VWA8: variants seen among roughly 807,000 people sequenced by gnomAD.
The protein encoded by VWA8 is von Willebrand factor A domain-containing protein 8.
A neutral mutation model predicts 241.5 loss-of-function variants in VWA8; 221 were observed. The ratio of observed to expected loss-of-function variants is 0.91; its 90% CI spans 0.82 to 1.02. The LOEUF (loss-of-function observed/expected upper bound fraction) is 1.02. VWA8 is among the 50% of genes least tolerant of loss of function. The pLI, the probability that VWA8 is intolerant of heterozygous loss-of-function variation, is 0.00. For synonymous variants in VWA8, 852 were observed against 827.1 expected, an observed-to-expected ratio of 1.03 and a Z score of -0.52; for missense variants, 2,322 against 2,328.7, an observed-to-expected ratio of 1.00 and a Z score of 0.06.
At chr13:41,623,438 G>A (rs2044670050) in intron 37 of VWA8, among the ~76,000 whole-genome samples, 1 of 152,166 alleles carries the variant, frequency 6.6e-6, no homozygotes, top group Non-Finnish European at 1.5e-5. Flanking sequence ...GCTACTTGGA[G>A]TCAACTGCAT....
intron 21 of VWA8, among the ~76,000 whole-genome samples, chr13:41,742,866 T>C (rs2045578793): frequency 6.6e-6 from 1 of 152,328 alleles, no homozygotes; most frequent in African/African-American, 2.4e-5. Flanking sequence ...AGAAAGGCTC[T>C]TTTGCACCCC....
intron 26 of VWA8, among the ~76,000 whole-genome samples, chr13:41,716,770 T>C (rs1452285232): frequency 1.3e-5 from 2 of 152,108 alleles, no homozygotes; most frequent in African/African-American, 4.8e-5. Context: ...AAGATACTAA[T>C]AGTATTAAAC....
intron 26 of VWA8, among the ~76,000 whole-genome samples, chr13:41,714,760 G>A (rs1053471701): frequency 1.3e-5 from 2 of 151,870 alleles, no homozygotes; most frequent in East Asian, 3.8e-4. Context: ...TCTGCTTCGT[G>A]GTTACTCTTC....
chr13:41,833,175 G>A (rs1871545465), intron 13 of VWA8, among the ~76,000 whole-genome samples, 196 bp downstream of exon 13: 2 of 151,876 alleles, frequency 1.3e-5, no homozygotes, highest in Non-Finnish European at 2.9e-5. Flanking sequence ...TTCCCAAAAT[G>A]TTCATTATTT....
intron 24 of VWA8, among the ~76,000 whole-genome samples, chr13:41,726,764 G>A (rs548912399): frequency 1.3e-5 from 2 of 152,108 alleles, no homozygotes; most frequent in African/African-American, 4.8e-5. Context: ...GGAAGCCGAG[G>A]CAGGTGGATC....
intron 21 of VWA8, among the ~76,000 whole-genome samples, chr13:41,748,456 A>AT (rs1293690338): frequency 1.3e-5 from 2 of 152,008 alleles, no homozygotes; most frequent in Admixed American, 6.6e-5. Context: ...CCCCTTTATC[A>AT]TTTTTTATTG....
intron 9 of VWA8, among the ~76,000 whole-genome samples, chr13:41,877,615 AG>A (rs1873959982): frequency 2.6e-5 from 4 of 152,112 alleles, no homozygotes; most frequent in Admixed American, 2.6e-4. Context: ...CAAGTTTCTT[AG>A]AAAAAAACTA....
At chr13:41,583,420 G>A (rs951896896) in intron 42 of VWA8, among the ~76,000 whole-genome samples, 5 of 152,126 alleles carry the variant, frequency 3.3e-5, no homozygotes, top group Admixed American at 6.5e-5. Flanking sequence ...AAAGCGGGCA[G>A]AACATGAGGT....
At chr13:41,680,107 T>C (rs2045088558) in intron 35 of VWA8, among the ~76,000 whole-genome samples, 1 of 152,118 alleles carries the variant, frequency 6.6e-6, no homozygotes, top group Non-Finnish European at 1.5e-5. Context: ...TTATTATAAT[T>C]ATCTAAATGC....
chr13:41,595,944 G>A (rs1328469), intron 40 of VWA8, among the ~76,000 whole-genome samples: 85,846 of 151,908 alleles, frequency 0.57, 24,597 homozygotes, highest in South Asian at 0.74. Flanking sequence ...TCCTGTGAGC[G>A]GAGTATAAGG....
chr13:41,606,385 G>A (rs1448079858), intron 39 of VWA8, among the ~76,000 whole-genome samples: 1 of 152,092 alleles, frequency 6.6e-6, no homozygotes, highest in Admixed American at 6.6e-5. Context: ...AGTTCAGAGT[G>A]AACTCCCTTG....
intron 13 of VWA8, among the ~76,000 whole-genome samples, chr13:41,832,323 C>T (rs1871507741): frequency 1.3e-5 from 2 of 152,118 alleles, no homozygotes; most frequent in Admixed American, 6.5e-5. Flanking sequence ...AGTAGGTACT[C>T]AATTAATGGT....
chr13:41,699,614 A>G (rs2045236955), intron 28 of VWA8, among the ~76,000 whole-genome samples: 1 of 152,202 alleles, frequency 6.6e-6, no homozygotes, highest in Admixed American at 6.5e-5. Context: ...GCTACAGTGA[A>G]GGTCTGTTCT....
chr13:41,951,245 C>T (rs1402997951), intron 1 of VWA8, among the ~76,000 whole-genome samples: 1 of 151,820 alleles, frequency 6.6e-6, no homozygotes, highest in African/African-American at 2.4e-5. Flanking sequence ...GGTAAAACCC[C>T]GTCTCTACTA....
intron 14 of VWA8, among the ~76,000 whole-genome samples, chr13:41,828,238 T>A (rs573351348): frequency 5.4e-4 from 82 of 152,354 alleles, no homozygotes; most frequent in African/African-American, 1.9e-3. Context: ...AGAAATTTTT[T>A]AACAAATTTC....
intron 26 of VWA8, among the ~76,000 whole-genome samples, chr13:41,705,245 G>A (rs568521151): frequency 6.7e-6 from 1 of 149,744 alleles, no homozygotes; most frequent in East Asian, 2.0e-4. Context: ...TCTCAATCGG[G>A]GACCCACTTA....
chr13:41,958,311 A>C (rs556469516), intron 1 of VWA8, among the ~76,000 whole-genome samples: 2 of 152,358 alleles, frequency 1.3e-5, no homozygotes, highest in Admixed American at 6.5e-5. Context: ...CTGAATGCTT[A>C]CTAGGTACAA....
At chr13:41,786,844 T>C (rs926617912) in intron 18 of VWA8, among the ~76,000 whole-genome samples, 1 of 152,116 alleles carries the variant, frequency 6.6e-6, no homozygotes, top group Non-Finnish European at 1.5e-5. Context: ...TCTTTCATTG[T>C]GTTCTAATTG....
rs371087115 is a variant in VWA8 at position 41,587,574 on chromosome 13, G to A, written c.5209C>T (p.Arg1737Cys). Residue 1737 changes from arginine to cysteine, a missense_variant, in exon 42 of 45, where the codon CGC (arginine) becomes TGC (cysteine). Transcript: ENST00000379310. ...RFNRMDGRLE[R>C]TMEAVCMVME... is the part of the protein sequence containing the mutation. ...ACCATACACACAGCCTCCATTGTGCGCTCAAGCCGGCCATCCATCCTGTTG... is the reference window on the plus strand; with the variant it reads ...ACCATACACACAGCCTCCATTGTGCACTCAAGCCGGCCATCCATCCTGTTG... The A allele has an allele frequency of 3.9e-5, 63 of 1,614,010 alleles. No homozygotes were observed. The highest frequency in any genetic ancestry group is 2.7e-4 in the Admixed American group (16 of 59,998).
Sources: gnomAD v4.1 joint callset for allele counts (sites outside exome capture counted in the v4.1 genomes callset) on GRCh38, gnomAD v4.1.1 for gene constraint, MANE v1.5 for transcripts, NCBI Gene and HGNC (gene_info 2026-07-23, HGNC 2026-07-21) for gene names.